Variants in SYT9 observed in about 807,000 individuals in gnomAD.
SYT9 encodes synaptotagmin-9.
SYT9 carries 22 observed loss-of-function variants against 48.4 expected under a neutral mutation model. The ratio of observed to expected loss-of-function variants is 0.45; its 90% CI spans 0.32 to 0.65. The LOEUF (loss-of-function observed/expected upper bound fraction) is 0.65, where lower values mean the gene tolerates loss of function less well. Ranked by LOEUF, SYT9 falls within the 30% of genes least tolerant of loss-of-function variation. The pLI is 0.03. For synonymous variants in SYT9, 265 were observed against 245.0 expected (o/e 1.08, Z -0.76); for missense variants, 577 against 622.0 (o/e 0.93, Z 0.77).
In SYT9 at chr11:7,388,301, C is replaced by A. The variant is rs72846015; in HGVS notation, c.1045-27741C>A. 2.6e-5 allele frequency among the ~76,000 whole-genome samples: 4 copies of A among 152,078 alleles called. No individual in the cohort carries two copies. The East Asian group carries it at 5.8e-4, about 22-fold the overall frequency. On this transcript the variant is annotated intron_variant, in intron 3 of 6. Transcript: ENST00000318881. ...TGGGTATAAAGTTGTTTGTAAAATT[C>A]TTTTATCTTTCAATGCCTTTAGGAT...
chr11:7,450,042 A>T (rs1485770365), intron 6 of SYT9, among the ~76,000 whole-genome samples: 1 of 152,180 alleles, frequency 6.6e-6, no homozygotes, highest in Non-Finnish European at 1.5e-5. Context: ...GATGAATAAT[A>T]ATCCAATGTT....
intron 3 of SYT9, among the ~76,000 whole-genome samples, chr11:7,341,553 G>A (rs929789475): frequency 6.6e-6 from 1 of 152,116 alleles, no homozygotes; most frequent in Non-Finnish European, 1.5e-5. Flanking sequence ...TGCCATGATT[G>A]TGAGGCCTCC....
At chr11:7,257,861 A>G (rs1436742669) in intron 1 of SYT9, among the ~76,000 whole-genome samples, 4 of 152,180 alleles carry the variant, frequency 2.6e-5, no homozygotes, top group Non-Finnish European at 4.4e-5. Context: ...TACATGGACC[A>G]GTGAGTGGTT....
chr11:7,424,972 C>T (rs963067987), intron 6 of SYT9, among the ~76,000 whole-genome samples: 1 of 152,212 alleles, frequency 6.6e-6, no homozygotes, highest in African/African-American at 2.4e-5. Flanking sequence ...ATTTATCACC[C>T]TCAGCCTCTA....
At chr11:7,432,899 G>T (rs1266601366) in intron 6 of SYT9, among the ~76,000 whole-genome samples, 1 of 151,950 alleles carries the variant, frequency 6.6e-6, no homozygotes, top group Non-Finnish European at 1.5e-5. Context: ...GGAACACATG[G>T]TTGTATTTTG....
intron 1 of SYT9, among the ~76,000 whole-genome samples, chr11:7,264,723 A>T (rs879531629): frequency 6.6e-6 from 1 of 152,002 alleles, no homozygotes; most frequent in Non-Finnish European, 1.5e-5. Context: ...CATGATGGGG[A>T]GAGGGGGACA....
In SYT9 at chr11:7,417,984, G is replaced by A. The variant is rs1357254684; in HGVS notation, c.1193G>A (p.Cys398Tyr). The A allele has an allele frequency of 8.1e-6, 13 of 1,614,100 alleles. No homozygotes were observed. Among genetic ancestry groups the A allele is most frequent in the African/African-American group, 1.3e-5 (1 of 75,052 alleles). The change falls in exon 5 of 7, where the codon TGT (cysteine) becomes TAT (tyrosine). Residue 398 changes from cysteine (C) to tyrosine (Y), a missense_variant. Cys to Tyr is a radical substitution (Grantham distance 194). Transcript: ENST00000318881. Reference protein sequence around the residue: ...SDPYVKVSLMCDGRRLKKRKT... With the variant: ...SDPYVKVSLMYDGRRLKKRKT... ...CCCTATGTGAAAGTCTCGCTGATGT[G>A]TGATGGCAGACGACTGAAGAAGAGG...
At position 7,420,733 on chromosome 11, in the gene SYT9, G is replaced by A. The variant is rs897402180; in HGVS notation, c.1467+98G>A. The A allele has an allele frequency of 3.4e-6, 5 of 1,455,002 alleles. No individual in the cohort carries two copies. The African/African-American group carries it at 5.6e-5, about 16-fold the overall frequency. The allele number at this position is 1,455,002 out of a possible 1,614,324, so 90.1% of individuals were successfully genotyped here. Reference sequence around the variant, plus strand: ...AACATATGAGTGCACCAGGATCTATGGTCATAGACGGGTTTTCCTGGTTGC... The same window carrying A: ...AACATATGAGTGCACCAGGATCTATAGTCATAGACGGGTTTTCCTGGTTGC... On this transcript the variant is annotated intron_variant, in intron 6 of 6. Coordinates refer to ENST00000318881, the MANE Select transcript of SYT9 (RefSeq NM_175733.4).
intron 3 of SYT9, among the ~76,000 whole-genome samples, chr11:7,336,398 A>G (rs1367421469): frequency 6.6e-6 from 1 of 151,932 alleles, no homozygotes; most frequent in Non-Finnish European, 1.5e-5. Context: ...TGGCATCTTC[A>G]TCATTAAATA....
intron 1 of SYT9, among the ~76,000 whole-genome samples, chr11:7,288,151 G>A (rs1848630967): frequency 6.6e-6 from 1 of 152,124 alleles, no homozygotes; most frequent in Admixed American, 6.5e-5. Context: ...AGGGGCCTGG[G>A]AAACCCTGGG....
At chr11:7,251,099 G>GACACACAC (rs369736479), upstream of SYT9, among the ~76,000 whole-genome samples, 1,824 of 131,962 alleles carry the variant, frequency 0.014, 20 homozygotes, top group African/African-American at 0.024. Flanking sequence ...GTGGCACAGT[G>GACACACAC]ACACACACAC....
At chr11:7,308,530 C>T (rs1345147462) in intron 2 of SYT9, among the ~76,000 whole-genome samples, 1 of 152,184 alleles carries the variant, frequency 6.6e-6, no homozygotes, top group Non-Finnish European at 1.5e-5. Context: ...TCCCATTCTG[C>T]TAGAGAGGTA....
intron 6 of SYT9, among the ~76,000 whole-genome samples, chr11:7,431,576 A>G (rs1480215213): frequency 6.6e-6 from 1 of 152,258 alleles, no homozygotes; most frequent in Non-Finnish European, 1.5e-5. Flanking sequence ...CCTCAAAGGC[A>G]TTTCGGAGAC....
chr11:7,275,523 A>C (rs2133893589), intron 1 of SYT9, among the ~76,000 whole-genome samples: 1 of 152,046 alleles, frequency 6.6e-6, no homozygotes, highest in South Asian at 2.1e-4. Flanking sequence ...TTGCCCCTTA[A>C]ATGTTGGCAT....
At chr11:7,308,578 G>T (rs929133777) in intron 2 of SYT9, among the ~76,000 whole-genome samples, 1 of 152,186 alleles carries the variant, frequency 6.6e-6, no homozygotes, top group South Asian at 2.1e-4. Flanking sequence ...CCTTATTGAC[G>T]TCTACAGCAT....
chr11:7,257,708 A>G (rs983150040), intron 1 of SYT9, among the ~76,000 whole-genome samples: 6 of 152,156 alleles, frequency 3.9e-5, no homozygotes, highest in Non-Finnish European at 8.8e-5. Flanking sequence ...TGCAATCAGG[A>G]AAAAGAGTCT....
chr11:7,304,993 C>A (rs1407546324), intron 2 of SYT9, among the ~76,000 whole-genome samples: 1 of 152,162 alleles, frequency 6.6e-6, no homozygotes, highest in African/African-American at 2.4e-5. Flanking sequence ...TAGATTTGAT[C>A]TGGGGACTCT....
chr11:7,289,698 T>G (rs1048544312), intron 1 of SYT9, among the ~76,000 whole-genome samples: 1 of 152,204 alleles, frequency 6.6e-6, no homozygotes, highest in African/African-American at 2.4e-5. Context: ...TATCTTCTAG[T>G]TTGATTTAAG....
chr11:7,280,652 T>A (rs1480580836), intron 1 of SYT9, among the ~76,000 whole-genome samples: 1 of 152,208 alleles, frequency 6.6e-6, no homozygotes, highest in Non-Finnish European at 1.5e-5. Context: ...CTGGCTGTTT[T>A]CAAGCTACCA....
Sources: allele counts gnomAD v4.1 joint callset (sites outside exome capture counted in the v4.1 genomes callset), GRCh38; gene constraint gnomAD v4.1.1; transcripts MANE v1.5; gene names NCBI Gene and HGNC (gene_info 2026-07-23, HGNC 2026-07-21).